ZBTB38: variants seen among roughly 807,000 people sequenced by gnomAD.
ZBTB38 encodes zinc finger and BTB domain containing 38.
A neutral mutation model predicts 76.8 loss-of-function variants in ZBTB38; 20 were observed. The ratio of observed to expected loss-of-function variants is 0.26; its 90% CI spans 0.18 to 0.38. ZBTB38 has a LOEUF of 0.38. Among genes scored for constraint, ZBTB38 ranks in the 10% least tolerant of loss-of-function variants. The pLI is 1.00. For missense variants in ZBTB38, 1,082 were observed against 1,482.3 expected, an observed-to-expected ratio of 0.73 and a Z score of 4.43; for synonymous variants, 504 against 544.2, an observed-to-expected ratio of 0.93 and a Z score of 1.03.
chr3:141,341,746 A>T (rs551658328), intron 1 of ZBTB38, among the ~76,000 whole-genome samples: 15 of 152,352 alleles, frequency 9.8e-5, no homozygotes, highest in African/African-American at 3.6e-4. Flanking sequence ...CATCAGTGAA[A>T]ACCAAGACAC....
chr3:141,361,476 G>T (rs879586878), intron 1 of ZBTB38, among the ~76,000 whole-genome samples: 24 of 152,194 alleles, frequency 1.6e-4, no homozygotes, highest in South Asian at 2.1e-4. Flanking sequence ...GGAAGCTGAG[G>T]CTGAGAAGTT....
intron 1 of ZBTB38, among the ~76,000 whole-genome samples, chr3:141,354,715 C>G (rs1318882757): frequency 2.6e-5 from 4 of 152,154 alleles, no homozygotes; most frequent in Non-Finnish European, 5.9e-5. Flanking sequence ...CTCTCTGTCT[C>G]TCAGAATACT....
intron 1 of ZBTB38, among the ~76,000 whole-genome samples, chr3:141,362,968 C>A (rs1337531918): frequency 6.6e-6 from 1 of 151,048 alleles, no homozygotes. Flanking sequence ...ATCTGCATAA[C>A]AAACCCATGA....
In ZBTB38 at chr3:141,341,053, A is replaced by G. The variant is rs189855269; in HGVS notation, c.-739+16597A>G. Among the ~76,000 whole-genome samples, 76 of 152,354 alleles carry G rather than the reference A, an allele frequency of 5.0e-4. 1 individual carries two copies. Among genetic ancestry groups the G allele is most frequent in the Admixed American group, 2.5e-3 (39 of 15,310 alleles). The stretch of plus-strand genomic sequence containing the variant: ...AAGTGGTTAATAAGCGCATGAAAAG[A>G]TGTTCAAATAATTAACCATCAGGGA... On this transcript the variant is annotated intron_variant, in intron 1 of 7. Coordinates refer to the ZBTB38 transcript ENST00000509842.
chr3:141,399,265 C>T (rs936249229), intron 4 of ZBTB38, among the ~76,000 whole-genome samples: 2 of 152,022 alleles, frequency 1.3e-5, no homozygotes, highest in African/African-American at 4.8e-5. Context: ...CATCCCCATT[C>T]CCCACCTCCC....
chr3:141,334,677 G>T (rs1287774589), intron 1 of ZBTB38, among the ~76,000 whole-genome samples: 1 of 152,042 alleles, frequency 6.6e-6, no homozygotes, highest in Non-Finnish European at 1.5e-5. Flanking sequence ...GGTCTGCAGT[G>T]CCTCTCCCTA....
At chr3:141,426,874 TTTAA>T (rs1234570601) in intron 5 of ZBTB38, among the ~76,000 whole-genome samples, 3 of 152,150 alleles carry the variant, frequency 2.0e-5, no homozygotes, top group Non-Finnish European at 2.9e-5. Context: ...GGTTCAGTGT[TTTAA>T]CTTGTTTGGG....
intron 3 of ZBTB38, chr3:141,384,849 G>C (rs1166948511): frequency 2.6e-5 from 4 of 152,240 alleles, no homozygotes; most frequent in African/African-American, 9.7e-5. Context: ...GTACTCCAAA[G>C]AGAAGAGGAC....
chr3:141,432,376 A>G, intron 5 of ZBTB38: 1 of 753,462 alleles, frequency 1.3e-6, no homozygotes. Context: ...GTACGTTAGG[A>G]GCTGCGTGGC....
At chr3:141,378,753 A>T (rs1383660128) in intron 2 of ZBTB38, among the ~76,000 whole-genome samples, 1 of 152,094 alleles carries the variant, frequency 6.6e-6, no homozygotes, top group Admixed American at 6.6e-5. Context: ...AGAGACTGAC[A>T]GCCCATCTCG....
At chr3:141,431,341 A>AAAAATATATATATATATATAT in intron 5 of ZBTB38, among the ~76,000 whole-genome samples, 2 of 103,290 alleles carry the variant, frequency 1.9e-5, no homozygotes, top group African/African-American at 1.2e-4. Context: ...AAAAAAAAAA[A>AAAAATATATATATATATATAT]ATATATATAT....
At chr3:141,428,656 A>G (rs2076851626) in intron 5 of ZBTB38, among the ~76,000 whole-genome samples, 1 of 152,088 alleles carries the variant, frequency 6.6e-6, no homozygotes, top group African/African-American at 2.4e-5. Context: ...TTGTATTTTT[A>G]GTAGAGACGG....
chr3:141,364,986 T>G (rs1269900574), upstream of ZBTB38, among the ~76,000 whole-genome samples: 1 of 152,060 alleles, frequency 6.6e-6, no homozygotes, highest in Non-Finnish European at 1.5e-5. Context: ...TTTGATAGTT[T>G]CTCAAAATGT....
Position 141,447,185 on chromosome 3 carries a change from C to T in ZBTB38, c.*1209C>T, listed in dbSNP as rs1219574896. 1 of 152,656 alleles carries T rather than the reference C, an allele frequency of 6.6e-6. No individual in the cohort carries two copies. Among genetic ancestry groups the T allele is most frequent in the Non-Finnish European group, 1.5e-5 (1 of 68,054 alleles). The allele number at this position is 152,656 out of a possible 1,614,324, so 9.5% of individuals were successfully genotyped here. ...AAAGGACAAAGGAACCCCCACCCTC[C>T]ACCCCACCCATTAATGACTTGAGTG... On this transcript the variant is annotated 3_prime_UTR_variant, in exon 6 of 6. Transcript: ENST00000321464.
intron 1 of ZBTB38, among the ~76,000 whole-genome samples, chr3:141,342,285 A>G (rs944407114): frequency 6.6e-6 from 1 of 151,754 alleles, no homozygotes; most frequent in African/African-American, 2.4e-5. Flanking sequence ...AGGTCACGCC[A>G]CTGCACTCCA....
chr3:141,426,424 G>A (rs543692854), intron 5 of ZBTB38, among the ~76,000 whole-genome samples: 2 of 152,290 alleles, frequency 1.3e-5, no homozygotes, highest in South Asian at 4.1e-4. Flanking sequence ...TGCCTGATGG[G>A]GGGCAAGTGC....
At chr3:141,380,338 T>C (rs2149156710) in intron 2 of ZBTB38, among the ~76,000 whole-genome samples, 1 of 152,358 alleles carries the variant, frequency 6.6e-6, no homozygotes, top group African/African-American at 2.4e-5. Context: ...TCTTTCCCTG[T>C]TCTAGGAGAG....
intron 1 of ZBTB38, among the ~76,000 whole-genome samples, chr3:141,345,351 C>A (rs1204901187): frequency 6.6e-6 from 1 of 151,936 alleles, no homozygotes. Flanking sequence ...ACAGGGCTAC[C>A]CTTGGCTATG....
intron 1 of ZBTB38, among the ~76,000 whole-genome samples, chr3:141,335,020 G>T (rs1238353488): frequency 6.6e-6 from 1 of 151,828 alleles, no homozygotes; most frequent in East Asian, 1.9e-4. Context: ...TCAAGAATCT[G>T]CATGTCTGAC....
Sources: gnomAD v4.1 joint callset for allele counts (sites outside exome capture counted in the v4.1 genomes callset) on GRCh38, gnomAD v4.1.1 for gene constraint, MANE v1.5 for transcripts, NCBI Gene and HGNC (gene_info 2026-07-23, HGNC 2026-07-21) for gene names.